Variants in PACS2 observed in about 807,000 individuals in gnomAD.
PACS2 encodes phosphofurin acidic cluster sorting protein 2.
PACS2 carries 36 observed loss-of-function variants against 113.0 expected under a neutral mutation model. The observed-to-expected ratio is 0.32, with a 90% CI of 0.24 to 0.42. The LOEUF is 0.42. Among genes scored for constraint, PACS2 ranks in the 10% least tolerant of loss-of-function variants. PACS2 has a pLI of 1.00. For missense variants in PACS2, 1,015 were observed against 1,239.5 expected, an observed-to-expected ratio of 0.82 and a Z score of 2.72; for synonymous variants, 589 against 536.1, an observed-to-expected ratio of 1.10 and a Z score of -1.36.
chr14:105,382,377 G>T, intron 13 of PACS2, 100 bp from the exon 14 acceptor site: 1 of 777,714 alleles, frequency 1.3e-6, no homozygotes. Context: ...AGCCTCTGTG[G>T]CTGCAGGGGG....
chr14:105,311,887 C>G (rs1034049513), upstream of PACS2, among the ~76,000 whole-genome samples: 1 of 152,224 alleles, frequency 6.6e-6, no homozygotes, highest in Non-Finnish European at 1.5e-5. Context: ...GGAGTGGATG[C>G]GGCAGGGCCT....
chr14:105,364,216 G>A (rs782468085), intron 4 of PACS2, among the ~76,000 whole-genome samples: 42 of 152,356 alleles, frequency 2.8e-4, no homozygotes, highest in Non-Finnish European at 5.1e-4. Flanking sequence ...AGCCTTCACT[G>A]TAAAAAACAG....
In PACS2 at chr14:105,383,220, C is replaced by T. The variant is rs111775845; in HGVS notation, c.1626-139C>T. 16,076 of 975,026 alleles carry T rather than the reference C, an allele frequency of 0.016. 1,654 individuals carry two copies. The African/African-American group carries it at 0.22, about 13-fold the overall frequency. 60.4% of individuals were successfully genotyped at this position (975,026 alleles called of 1,614,324 possible). On this transcript the variant is annotated intron_variant, in intron 15 of 24. Coordinates refer to ENST00000447393, the MANE Select transcript of PACS2 (RefSeq NM_001100913.3). The stretch of plus-strand genomic sequence containing the variant: ...CGTTTGGGCATGTGGGGGTCCTGGG[C>T]TTGGGCAGCTCCAGGGCAGTTGTGG...
intron 1 of PACS2, among the ~76,000 whole-genome samples, chr14:105,306,287 G>GTTTGTTTTGTTTTGTTTTGT (rs202210208): frequency 1.3e-5 from 2 of 151,382 alleles, no homozygotes; most frequent in African/African-American, 4.9e-5. Context: ...TTGTTTTTGG[G>GTTTGTTTTGTTTTGTTTTGT]TTTGTTTTGT....
intron 2 of PACS2, 148 bp from the exon 3 acceptor site, chr14:105,352,230 C>G: frequency 3.1e-6 from 2 of 645,154 alleles, no homozygotes; most frequent in Non-Finnish European, 5.6e-6. Flanking sequence ...CAGGGCACCT[C>G]TGAGAATTAC....
At chr14:105,347,191 G>A (rs2059972959) in intron 1 of PACS2, among the ~76,000 whole-genome samples, 1 of 150,466 alleles carries the variant, frequency 6.6e-6, no homozygotes, top group African/African-American at 2.5e-5. Flanking sequence ...GAGCAGCCAG[G>A]ATGGGAGTGG....
At chr14:105,385,802 C>A in intron 19 of PACS2, 85 bp downstream of exon 19, 2 of 785,122 alleles carry the variant, frequency 2.5e-6, no homozygotes, top group Non-Finnish European at 3.8e-6. Flanking sequence ...GTAGGAATCA[C>A]CCCGCTGTCC....
rs1054703721 is a variant in PACS2, at chr14:105,309,007, A to G, written c.-83+8028A>G. On this transcript the variant is annotated intron_variant, in intron 1 of 23. Transcript: ENST00000430725. The surrounding 1 kb of genome is among the most constrained non-coding windows in gnomAD (Gnocchi z 4.0). ...AAGAAAAAAAAAGAAAAAGACAAAC[A>G]AAACCTAACAAAACCAGAAATCCAT... Among the ~76,000 whole-genome samples the G allele has an allele frequency of 2.0e-5, 3 of 151,882 alleles. No homozygotes were observed. Among genetic ancestry groups the G allele is most frequent in the African/African-American group, 7.3e-5 (3 of 41,276 alleles).
intron 15 of PACS2, 152 bp from the exon 16 acceptor site, chr14:105,383,207 T>A (rs781920371): frequency 8.0e-6 from 7 of 871,190 alleles, no homozygotes; most frequent in Non-Finnish European, 1.3e-5. Flanking sequence ...TTTGGGCATG[T>A]GGGGGTCCTG....
At chr14:105,309,913 C>T (rs2058300639), upstream of PACS2, among the ~76,000 whole-genome samples, 1 of 150,524 alleles carries the variant, frequency 6.6e-6, no homozygotes, top group Admixed American at 6.7e-5. The surrounding 1 kb of genome is among the most constrained non-coding windows in gnomAD (Gnocchi z 4.0). Context: ...AGCCTCCCGA[C>T]TAGCTGGGAC....
chr14:105,392,757 C>T lies in PACS2; in HGVS notation c.2394C>T (p.Leu798=). 1 of 1,612,428 alleles carries T rather than the reference C, an allele frequency of 6.2e-7. No homozygotes were observed. The highest frequency in any genetic ancestry group is 8.5e-7 in the Non-Finnish European group (1 of 1,179,996). ...KNTLKCTFRS[L]QVSRLPSSGE... ...CGCTCAAGTGCACTTTCCGGTCCCT[C>T]CAGGTCAGCAGGCTGCCCAGCAGCG... The change falls in exon 23 of 25, where the codon CTC becomes CTT. Residue 798 remains leucine (L), a synonymous_variant. Transcript: ENST00000447393.
At chr14:105,385,914 C>T (rs1394224641) in intron 19 of PACS2, among the ~76,000 whole-genome samples, 197 bp downstream of exon 19, 2 of 152,154 alleles carry the variant, frequency 1.3e-5, no homozygotes, top group East Asian at 1.9e-4. Flanking sequence ...TTTTTGCTGA[C>T]GTGGACCCTT....
rs1471895251 is a variant in PACS2 at position 105,323,414 on chromosome 14, C to T, written c.119+8377C>T. Among the ~76,000 whole-genome samples the T allele has an allele frequency of 1.3e-5, 2 of 152,200 alleles. No homozygotes were observed. The highest frequency in any genetic ancestry group is 2.4e-5 in the African/African-American group (1 of 41,454). ...CACGTGCAGGGGCGTCTCCTCAGGA[C>T]GCATGTTGCCTACTGACCGCTGCCA... On this transcript the variant is annotated intron_variant, in intron 1 of 24. Transcript: ENST00000447393. This position sits in a 1 kb window ranked among gnomAD's most constrained non-coding sequence, Gnocchi z 4.1.
At chr14:105,342,356 C>T in intron 1 of PACS2, among the ~76,000 whole-genome samples, 1 of 152,004 alleles carries the variant, frequency 6.6e-6, no homozygotes, top group East Asian at 2.0e-4. Flanking sequence ...CAGCCTCCAA[C>T]TCCTGGGCTC....
rs934615385 is a variant in PACS2 at position 105,368,156 on chromosome 14, G to C, written c.660+9G>C. The C allele has an allele frequency of 1.2e-5, 19 of 1,596,248 alleles. No homozygotes were observed. Among genetic ancestry groups the C allele is most frequent in the Non-Finnish European group, 1.5e-5 (18 of 1,168,726 alleles). ...ACGCCGTGCAGGGGCAGGTGACCTG[G>C]GGCCGGGGCTCCGCGCCCTCTCCTG... On this transcript the variant is annotated intron_variant, in intron 6 of 24. Transcript: ENST00000447393.
chr14:105,361,217 C>A (rs587645551), intron 4 of PACS2, among the ~76,000 whole-genome samples: 1 of 152,214 alleles, frequency 6.6e-6, no homozygotes, highest in East Asian at 1.9e-4. Flanking sequence ...ATCCAGGCCA[C>A]GCGCAGTGGC....
chr14:105,311,845 A>G (rs1317082596), upstream of PACS2, among the ~76,000 whole-genome samples: 1 of 152,150 alleles, frequency 6.6e-6, no homozygotes. Flanking sequence ...ATTCCTCCTC[A>G]GCCTCAGTCA....
chr14:105,344,666 G>A lies in PACS2; in HGVS notation c.120-3827G>A, dbSNP rs191513375. Reference sequence around the variant, plus strand: ...GTCTACTTTCTTCTTTGTTTGGGTAGAGGTTTTATGAATTTTATTGATCTT... The same window carrying A: ...GTCTACTTTCTTCTTTGTTTGGGTAAAGGTTTTATGAATTTTATTGATCTT... On this transcript the variant is annotated intron_variant, in intron 1 of 24. Coordinates refer to ENST00000447393, the MANE Select transcript of PACS2 (RefSeq NM_001100913.3). Among the ~76,000 whole-genome samples the A allele has an allele frequency of 7.5e-3, 1,146 of 152,286 alleles. 6 individuals are homozygous for A. The highest frequency in any genetic ancestry group is 0.031 in the Middle Eastern group (9 of 294).
chr14:105,386,614 G>A (rs1044694676), intron 19 of PACS2, among the ~76,000 whole-genome samples: 3 of 151,912 alleles, frequency 2.0e-5, no homozygotes, highest in African/African-American at 7.3e-5. Context: ...TCTCTACCCC[G>A]TGTCTTCTGC....
Sources: allele counts gnomAD v4.1 joint callset (sites outside exome capture counted in the v4.1 genomes callset), GRCh38; gene constraint gnomAD v4.1.1; non-coding constraint Gnocchi (gnomAD v3.1); transcripts MANE v1.5; gene names NCBI Gene and HGNC (gene_info 2026-07-23, HGNC 2026-07-21).